FILIP1: variants seen among roughly 807,000 people sequenced by gnomAD.
FILIP1 encodes filamin A interacting protein 1.
FILIP1 carries 61 observed loss-of-function variants against 102.1 expected under a neutral mutation model. The ratio of observed to expected loss-of-function variants is 0.60; its 90% CI spans 0.49 to 0.74. FILIP1 has a LOEUF of 0.74. FILIP1 is among the 30% of genes least tolerant of loss of function. FILIP1 has a pLI of 0.00. For synonymous variants in FILIP1, 491 were observed against 526.9 expected, an observed-to-expected ratio of 0.93 and a Z score of 0.93; for missense variants, 1,314 against 1,441.2, an observed-to-expected ratio of 0.91 and a Z score of 1.43.
downstream of FILIP1, among the ~76,000 whole-genome samples, chr6:75,304,214 ATTTT>A (rs1257694474): frequency 6.6e-6 from 1 of 151,886 alleles, no homozygotes; most frequent in African/African-American, 2.4e-5. Context: ...TTATTTATTT[ATTTT>A]TATTTATTTA....
At chr6:75,341,274 C>T (rs748697924) in intron 4 of FILIP1, among the ~76,000 whole-genome samples, 1 of 151,652 alleles carries the variant, frequency 6.6e-6, no homozygotes, top group Non-Finnish European at 1.5e-5. Flanking sequence ...GATCCTCCTA[C>T]TTCAGCCTCC....
At chr6:75,417,512 G>C (rs1362276656) in intron 1 of FILIP1, among the ~76,000 whole-genome samples, 1 of 152,100 alleles carries the variant, frequency 6.6e-6, no homozygotes, top group Non-Finnish European at 1.5e-5. Context: ...TTTTGGAGGG[G>C]GAAAACATCC....
intron 1 of FILIP1, among the ~76,000 whole-genome samples, chr6:75,476,942 T>G (rs9360910): frequency 0.21 from 31,883 of 152,082 alleles, 3,854 homozygotes; most frequent in African/African-American, 0.33. Flanking sequence ...ATGGAAGAAA[T>G]GTTAGGTCCT....
intron 4 of FILIP1, among the ~76,000 whole-genome samples, chr6:75,341,327 AT>A (rs1185285222): frequency 1.3e-3 from 190 of 145,382 alleles, no homozygotes; most frequent in Non-Finnish European, 1.2e-3. Context: ...CACCTGGCTA[AT>A]TTTTTTTTTT....
intron 4 of FILIP1, among the ~76,000 whole-genome samples, chr6:75,326,662 T>C (rs1012710184): frequency 1.3e-5 from 2 of 152,222 alleles, no homozygotes; most frequent in Non-Finnish European, 2.9e-5. Context: ...GGCAATACTA[T>C]ACCATTTTAT....
chr6:75,376,461 G>A (rs1247791735), intron 2 of FILIP1, among the ~76,000 whole-genome samples: 1 of 152,104 alleles, frequency 6.6e-6, no homozygotes, highest in African/African-American at 2.4e-5. Context: ...ACAAATTATA[G>A]CTCTTTTGTT....
At chr6:75,483,865 C>T (rs1435636037) in intron 1 of FILIP1, among the ~76,000 whole-genome samples, 1 of 152,126 alleles carries the variant, frequency 6.6e-6, no homozygotes, top group African/African-American at 2.4e-5. Context: ...CCCAGACTTG[C>T]CACCTGCTTG....
chr6:75,412,131 C>A (rs1777092571), intron 2 of FILIP1, among the ~76,000 whole-genome samples: 1 of 152,158 alleles, frequency 6.6e-6, no homozygotes, highest in African/African-American at 2.4e-5. Flanking sequence ...AGGTCCTTCA[C>A]ATCCCTTGTA....
At chr6:75,340,299 G>A (rs1256464239) in intron 4 of FILIP1, among the ~76,000 whole-genome samples, 3 of 151,738 alleles carry the variant, frequency 2.0e-5, no homozygotes, top group Non-Finnish European at 4.4e-5. Context: ...TTCTTCTGAC[G>A]CAAACCACAA....
chr6:75,423,693 T>C (rs1777545080), intron 1 of FILIP1, among the ~76,000 whole-genome samples: 1 of 152,036 alleles, frequency 6.6e-6, no homozygotes. Flanking sequence ...TCTTCAAAAG[T>C]TGAACAAATT....
chr6:75,304,721 T>C (rs1342760430), downstream of FILIP1, among the ~76,000 whole-genome samples: 1 of 152,154 alleles, frequency 6.6e-6, no homozygotes, highest in Non-Finnish European at 1.5e-5. Context: ...AAAGTCACAC[T>C]ATAAGCACTT....
At position 75,308,350 on chromosome 6, in the gene FILIP1, G is replaced by T; in HGVS notation, c.*341C>A. ...AATTTGGCTTGCAATTAGGAAATAT[G>T]GGAGCCGGACTTGAAGAGCGTGTGA... On this transcript the variant is annotated 3_prime_UTR_variant, in exon 6 of 6. Coordinates refer to ENST00000237172, the MANE Select transcript of FILIP1 (RefSeq NM_015687.5). 9.8e-7 allele frequency: 1 copy of T among 1,023,150 alleles called. No individual in the cohort carries two copies. The highest frequency in any genetic ancestry group is 1.2e-6 in the Non-Finnish European group (1 of 851,718). The allele number at this position is 1,023,150 out of a possible 1,614,324, so 63.4% of individuals were successfully genotyped here. A position where few individuals can be genotyped will look rare whatever the true frequency, so the allele number is the denominator to read the frequency against.
chr6:75,487,903 G>A (rs907549994), intron 1 of FILIP1, among the ~76,000 whole-genome samples: 2 of 151,962 alleles, frequency 1.3e-5, no homozygotes, highest in Non-Finnish European at 2.9e-5. Context: ...AACAATCATC[G>A]TTTCCTCAAT....
chr6:75,325,256 TA>T (rs985093826), intron 4 of FILIP1, among the ~76,000 whole-genome samples: 1 of 152,110 alleles, frequency 6.6e-6, no homozygotes, highest in African/African-American at 2.4e-5. Flanking sequence ...GCCCTATCTC[TA>T]CTAAAAATAT....
chr6:75,387,273 G>A (rs1776131675), intron 2 of FILIP1, among the ~76,000 whole-genome samples: 1 of 152,064 alleles, frequency 6.6e-6, no homozygotes, highest in Admixed American at 6.6e-5. Flanking sequence ...TAACTTTGAT[G>A]GGCATTTGGG....
At chr6:75,343,261 G>T (rs1774474263) in intron 4 of FILIP1, among the ~76,000 whole-genome samples, 1 of 152,176 alleles carries the variant, frequency 6.6e-6, no homozygotes, top group Non-Finnish European at 1.5e-5. Context: ...TCAGCCTCTG[G>T]AACTGTGAGA....
intron 6 of FILIP1, chr6:75,297,048 G>C (rs1197166571): frequency 6.6e-6 from 1 of 151,896 alleles, no homozygotes; most frequent in East Asian, 1.9e-4. Flanking sequence ...TACACAGCAG[G>C]GGAAAGAAAA....
At chr6:75,478,523 G>A (rs567450267) in intron 1 of FILIP1, among the ~76,000 whole-genome samples, 75 of 152,166 alleles carry the variant, frequency 4.9e-4, no homozygotes, top group Non-Finnish European at 1.0e-3. Context: ...TGGGTAGTGA[G>A]CTGCCAAAAA....
At chr6:75,382,901 C>G (rs139938234) in intron 2 of FILIP1, among the ~76,000 whole-genome samples, 40 of 152,298 alleles carry the variant, frequency 2.6e-4, no homozygotes, top group Non-Finnish European at 4.9e-4. Flanking sequence ...AGTTTATCAG[C>G]CACAAAAGCC....
Sources: gnomAD v4.1 joint callset for allele counts (sites outside exome capture counted in the v4.1 genomes callset) on GRCh38, gnomAD v4.1.1 for gene constraint, MANE v1.5 for transcripts, NCBI Gene and HGNC (gene_info 2026-07-23, HGNC 2026-07-21) for gene names.